USH2A: variants seen among roughly 807,000 people sequenced by gnomAD.
The protein encoded by USH2A is Usher syndrome 2A (autosomal recessive, mild).
In USH2A, 443 loss-of-function variants were observed where a neutral mutation model predicts 538.9. That is an observed-to-expected ratio of 0.82 (90% CI 0.76 to 0.89). USH2A has a LOEUF of 0.89. Among genes scored for constraint, USH2A ranks in the 40% least tolerant of loss-of-function variants. The pLI, the probability that USH2A is intolerant of heterozygous loss-of-function variation, is 0.00. For missense variants in USH2A, 6,633 were observed against 6,324.8 expected, an observed-to-expected ratio of 1.05 and a Z score of -1.65; for synonymous variants, 2,413 against 2,273.5, an observed-to-expected ratio of 1.06 and a Z score of -1.75.
chr1:215,654,744 A>G (rs1034008731), intron 64 of USH2A, among the ~76,000 whole-genome samples: 2 of 152,238 alleles, frequency 1.3e-5, no homozygotes, highest in Middle Eastern at 3.2e-3. Context: ...TGATAGATTA[A>G]TATGTCAGTT....
intron 11 of USH2A, among the ~76,000 whole-genome samples, chr1:216,277,073 T>C (rs904322786): frequency 6.6e-6 from 1 of 152,172 alleles, no homozygotes; most frequent in Non-Finnish European, 1.5e-5. Flanking sequence ...GTTGTTTTCA[T>C]CCTTTAATCA....
intron 32 of USH2A, among the ~76,000 whole-genome samples, chr1:216,010,627 C>T (rs921463325): frequency 1.3e-5 from 2 of 151,938 alleles, no homozygotes; most frequent in Non-Finnish European, 2.9e-5. Context: ...TTTCCCTTGC[C>T]TCCATAACTG....
intron 21 of USH2A, among the ~76,000 whole-genome samples, chr1:216,129,371 A>C (rs1191704803): frequency 1.3e-5 from 2 of 152,016 alleles, no homozygotes; most frequent in African/African-American, 4.8e-5. Flanking sequence ...TCCCACCAAC[A>C]GTGTAGAAGA....
At chr1:215,905,497 T>C (rs1339119712) in intron 38 of USH2A, among the ~76,000 whole-genome samples, 1 of 152,058 alleles carries the variant, frequency 6.6e-6, no homozygotes, top group Non-Finnish European at 1.5e-5. Context: ...TAATCTACTT[T>C]ATGTTTAACA....
At chr1:216,282,838 G>C (rs1390025655) in intron 11 of USH2A, among the ~76,000 whole-genome samples, 1 of 152,074 alleles carries the variant, frequency 6.6e-6, no homozygotes, top group Non-Finnish European at 1.5e-5. Context: ...TAAGTCTTCT[G>C]ATACATGAGC....
intron 61 of USH2A, among the ~76,000 whole-genome samples, chr1:215,692,277 GA>G (rs1658642219): frequency 6.6e-6 from 1 of 152,120 alleles, no homozygotes; most frequent in African/African-American, 2.4e-5. Flanking sequence ...ATATTCTTTT[GA>G]GAAGTTTGGC....
chr1:215,983,254 G>A (rs963041221), intron 35 of USH2A, among the ~76,000 whole-genome samples: 4 of 152,204 alleles, frequency 2.6e-5, no homozygotes, highest in Admixed American at 6.5e-5. Flanking sequence ...GAGCCACCAC[G>A]CCTGGCCGAA....
At position 216,175,362 on chromosome 1, in the gene USH2A, T is replaced by G. The variant is rs756472715; in HGVS notation, c.4517A>C (p.Glu1506Ala). The G allele has an allele frequency of 6.2e-7, 1 of 1,613,696 alleles. No homozygotes were observed. The highest frequency in any genetic ancestry group is 1.3e-5 in the African/African-American group (1 of 74,922). Residue 1506 changes from glutamate to alanine, a missense_variant, in exon 21 of 72, where the codon GAG becomes GCG. Coordinates refer to ENST00000307340, the MANE Select transcript of USH2A (RefSeq NM_206933.4). ...GGTCATCAGAGCTGGTAGAGATGAC[T>G]CTCTCCTTTCCAGCTGATATATAGG... ...PSPIYQLERR[E>A]SSLPALMTTM...
chr1:215,908,161 T>C (rs1665686286), intron 38 of USH2A, among the ~76,000 whole-genome samples: 2 of 151,752 alleles, frequency 1.3e-5, no homozygotes, highest in African/African-American at 2.4e-5. Flanking sequence ...TCTCAATGAA[T>C]AGTAGATAGA....
intron 21 of USH2A, among the ~76,000 whole-genome samples, chr1:216,111,487 G>A (rs914336247): frequency 2.0e-5 from 3 of 151,840 alleles, no homozygotes; most frequent in Non-Finnish European, 2.9e-5. Flanking sequence ...TAAATGAGTA[G>A]AGCTTACGGA....
Position 216,346,583 on chromosome 1 carries a change from T to C in USH2A, c.784+18370A>G, listed in dbSNP as rs568340951. Among the ~76,000 whole-genome samples, 142 of 152,120 alleles carry C rather than the reference T, an allele frequency of 9.3e-4. 1 individual carries two copies. The highest frequency in any genetic ancestry group is 3.3e-3 in the African/African-American group (135 of 41,508). On this transcript the variant is annotated intron_variant, in intron 4 of 71. Coordinates refer to ENST00000307340, the MANE Select transcript of USH2A (RefSeq NM_206933.4). ...ACATTTGGATCAGAGAAGCATGCTC[T>C]TGGTCACTTAGAAGTTATGGAAATG... is the stretch of plus-strand genomic sequence containing the variant.
Position 216,381,354 on chromosome 1 carries a change from C to T in USH2A, c.652-16269G>A, listed in dbSNP as rs193220807. On this transcript the variant is annotated intron_variant, in intron 3 of 71. Transcript: ENST00000307340. Reference sequence around the variant, plus strand: ...CACCATCTAACAAATTTTGAAGGATCTTGAACATGTTGCTAAGGGAAGGAA... The same window carrying T: ...CACCATCTAACAAATTTTGAAGGATTTTGAACATGTTGCTAAGGGAAGGAA... 5.3e-5 allele frequency among the ~76,000 whole-genome samples: 8 copies of T among 152,238 alleles called. No homozygotes were observed. The East Asian group carries it at 1.5e-3, about 29-fold the overall frequency.
At chr1:215,650,267 C>A (rs1657011684) in intron 65 of USH2A, among the ~76,000 whole-genome samples, 2 of 152,158 alleles carry the variant, frequency 1.3e-5, no homozygotes, top group Admixed American at 6.5e-5. Context: ...TGCCACCACT[C>A]TAAGTGGTTG....
chr1:215,741,376 T>C lies in USH2A; in HGVS notation c.11710A>G (p.Arg3904Gly). ...NGIIINYFIY[R>G]RPAGIEEESV... ...AATAATAGTAACAGCCAATCTTACCTGTAAATAAAGTAGTTGATGATGATT... is the reference window on the plus strand; with the variant it reads ...AATAATAGTAACAGCCAATCTTACCCGTAAATAAAGTAGTTGATGATGATT... The change falls in exon 60 of 72, where the codon AGA (arginine) becomes GGA (glycine). Residue 3904 changes from arginine to glycine, a missense_variant and splice_region_variant. Coordinates refer to ENST00000307340, the MANE Select transcript of USH2A (RefSeq NM_206933.4). 6.2e-7 allele frequency: 1 copy of C among 1,614,072 alleles called. No individual in the cohort carries two copies. Among genetic ancestry groups the C allele is most frequent in the Non-Finnish European group, 8.5e-7 (1 of 1,180,010 alleles).
chr1:215,809,981 G>T (rs74141420), intron 49 of USH2A, among the ~76,000 whole-genome samples: 3,948 of 152,194 alleles, frequency 0.026, 183 homozygotes, highest in African/African-American at 0.09. Flanking sequence ...CGGGGCTGAG[G>T]ACAGAGGTCA....
rs376363548 is a variant in USH2A at position 216,200,134 on chromosome 1, G to GAA, written c.3317-15_3317-14dup. 1.7e-4 allele frequency: 220 copies of GAA among 1,275,350 alleles called. No individual in the cohort carries two copies. The highest frequency in any genetic ancestry group is 3.2e-4 in the Admixed American group (14 of 43,838). The allele number at this position is 1,275,350 out of a possible 1,614,324, so 79.0% of individuals were successfully genotyped here. ...AAGTATTGAATACCTGAAATGAAAAGAAAAAAAAAAAACAAAGTTACATTT... is the reference window on the plus strand; with the variant it reads ...AAGTATTGAATACCTGAAATGAAAAGAAAAAAAAAAAAAACAAAGTTACATTT... On this transcript the variant is annotated splice_polypyrimidine_tract_variant and intron_variant, in intron 16 of 71. Transcript: ENST00000307340.
chr1:215,786,080 A>T (rs754529555), intron 52 of USH2A, among the ~76,000 whole-genome samples: 2 of 152,170 alleles, frequency 1.3e-5, no homozygotes, highest in African/African-American at 4.8e-5. Flanking sequence ...TCTAAACTTA[A>T]CAGTGTTTCT....
chr1:215,698,472 C>G (rs930496326), intron 61 of USH2A, among the ~76,000 whole-genome samples: 2 of 152,214 alleles, frequency 1.3e-5, no homozygotes, highest in Admixed American at 1.3e-4. Context: ...TCTTCACATC[C>G]TCTCCAGCAT....
At chr1:216,366,589 C>T (rs983555194) in intron 3 of USH2A, among the ~76,000 whole-genome samples, 1 of 151,766 alleles carries the variant, frequency 6.6e-6, no homozygotes, top group Non-Finnish European at 1.5e-5. Context: ...ATGTCCCCCC[C>T]CAAAAAAACA....
Sources: gnomAD v4.1 joint callset for allele counts (sites outside exome capture counted in the v4.1 genomes callset) on GRCh38, gnomAD v4.1.1 for gene constraint, MANE v1.5 for transcripts, NCBI Gene and HGNC (gene_info 2026-07-23, HGNC 2026-07-21) for gene names.